DCAF5: variants seen among roughly 807,000 people sequenced by gnomAD.
DCAF5 encodes DDB1- and CUL4-associated factor 5.
A neutral mutation model predicts 80.7 loss-of-function variants in DCAF5; 9 were observed. The observed-to-expected ratio is 0.11, with a 90% confidence interval of 0.07 to 0.19. The LOEUF is 0.19. Ranked by LOEUF, DCAF5 falls within the 10% of genes least tolerant of loss-of-function variation. DCAF5 has a pLI of 1.00. For synonymous variants in DCAF5, 433 were observed against 461.9 expected, an observed-to-expected ratio of 0.94 and a Z score of 0.80; for missense variants, 842 against 1,205.7, an observed-to-expected ratio of 0.70 and a Z score of 4.47.
At chr14:69,117,496 G>C (rs566181000) in intron 4 of DCAF5, among the ~76,000 whole-genome samples, 11 of 152,240 alleles carry the variant, frequency 7.2e-5, no homozygotes, top group African/African-American at 2.6e-4. Flanking sequence ...GGCCACGGTG[G>C]GTATGGCAGT....
intron 5 of DCAF5, among the ~76,000 whole-genome samples, chr14:69,109,764 T>C (rs1166652302): frequency 6.6e-6 from 1 of 152,258 alleles, no homozygotes; most frequent in East Asian, 1.9e-4. Flanking sequence ...GTGGCTATTA[T>C]AAATAAAGCA....
chr14:69,131,530 C>T (rs2041038895), intron 1 of DCAF5, among the ~76,000 whole-genome samples: 1 of 152,190 alleles, frequency 6.6e-6, no homozygotes. Context: ...AATTCAATCA[C>T]TTACATATCT....
intron 1 of DCAF5, among the ~76,000 whole-genome samples, chr14:69,151,835 G>C (rs1482356593): frequency 1.3e-5 from 2 of 152,070 alleles, no homozygotes; most frequent in African/African-American, 4.8e-5. Flanking sequence ...AGCCCCGGGA[G>C]AGCGAGGCCT....
intron 6 of DCAF5, among the ~76,000 whole-genome samples, chr14:69,078,732 G>A (rs1452440143): frequency 6.6e-6 from 1 of 152,222 alleles, no homozygotes; most frequent in African/African-American, 2.4e-5. Flanking sequence ...AATGGTGGTT[G>A]CCAGGGCCTA....
In DCAF5 at chr14:69,122,258, C is replaced by G; in HGVS notation, c.317G>C (p.Cys106Ser). The change falls in exon 2 of 9, where the codon TGC (cysteine) becomes TCC (serine). Residue 106 changes from cysteine (C) to serine (S), a missense_variant. Transcript: ENST00000341516. ...LKGEHHSNIF[C>S]LAFNSGNTKV... Reference sequence around the variant, plus strand: ...AGTGTTCCCACTGTTGAAAGCCAGGCAAAAAATGTTGGAATGGTGCTCTCC... The same window carrying G: ...AGTGTTCCCACTGTTGAAAGCCAGGGAAAAAATGTTGGAATGGTGCTCTCC... 1 of 1,613,938 alleles carries G rather than the reference C, an allele frequency of 6.2e-7. No individual in the cohort carries two copies. The highest frequency in any genetic ancestry group is 1.1e-5 in the South Asian group (1 of 91,048).
At chr14:69,095,570 C>A (rs922403068) in intron 5 of DCAF5, among the ~76,000 whole-genome samples, 3 of 151,790 alleles carry the variant, frequency 2.0e-5, no homozygotes, top group Non-Finnish European at 2.9e-5. Flanking sequence ...CACACAAAAA[C>A]CACTCAATTG....
At chr14:69,128,645 G>A (rs1377590893) in intron 1 of DCAF5, among the ~76,000 whole-genome samples, 1 of 152,206 alleles carries the variant, frequency 6.6e-6, no homozygotes, top group Non-Finnish European at 1.5e-5. Flanking sequence ...TTGTGCGCCT[G>A]TAGTCCCAGC....
chr14:69,134,610 C>T (rs910748846), intron 1 of DCAF5, among the ~76,000 whole-genome samples: 1 of 152,124 alleles, frequency 6.6e-6, no homozygotes. Flanking sequence ...ACTGTTTTAA[C>T]AAAGAAAGTT....
intron 6 of DCAF5, chr14:69,089,554 A>T (rs1264529815): frequency 2.0e-5 from 3 of 152,268 alleles, no homozygotes; most frequent in Non-Finnish European, 2.9e-5. Flanking sequence ...AATAGAGAAA[A>T]ATCAAAAGCC....
intron 5 of DCAF5, among the ~76,000 whole-genome samples, chr14:69,105,796 G>A (rs2140018459): frequency 6.7e-6 from 1 of 150,288 alleles, no homozygotes; most frequent in Middle Eastern, 3.4e-3. Flanking sequence ...GGCCTACCTG[G>A]TTTTGAGGCT....
At chr14:69,122,080 G>C in intron 2 of DCAF5, 137 bp downstream of exon 2, 2 of 1,063,892 alleles carry the variant, frequency 1.9e-6, no homozygotes, top group Non-Finnish European at 2.7e-6. Flanking sequence ...CTGTAATGCA[G>C]AAAAGACAAG....
At chr14:69,084,340 G>T (rs2039235300) in intron 6 of DCAF5, 1 of 953,400 alleles carries the variant, frequency 1.0e-6, no homozygotes, top group Admixed American at 1.7e-5. Context: ...ATATCCCAGG[G>T]TTTATGTATA....
chr14:69,111,874 T>A (rs1218928095), intron 5 of DCAF5, among the ~76,000 whole-genome samples: 1 of 152,206 alleles, frequency 6.6e-6, no homozygotes, highest in African/African-American at 2.4e-5. Context: ...TGACCACTCA[T>A]CACCACTAAA....
intron 1 of DCAF5, among the ~76,000 whole-genome samples, chr14:69,130,783 T>A (rs1200456102): frequency 6.6e-6 from 1 of 152,158 alleles, no homozygotes; most frequent in Admixed American, 6.5e-5. Flanking sequence ...GAGCTTGGGG[T>A]TTCATCTTTG....
chr14:69,106,848 T>C (rs2040179344), intron 5 of DCAF5, among the ~76,000 whole-genome samples: 1 of 152,110 alleles, frequency 6.6e-6, no homozygotes, highest in African/African-American at 2.4e-5. Flanking sequence ...AAGACCAACC[T>C]GGCCAACATG....
At chr14:69,057,757 A>T (rs1459171072) in intron 8 of DCAF5, among the ~76,000 whole-genome samples, 1 of 152,158 alleles carries the variant, frequency 6.6e-6, no homozygotes, top group Non-Finnish European at 1.5e-5. Context: ...TTAGTGGGTG[A>T]TGCGCAGCTC....
At chr14:69,086,671 C>T (rs1251530267) in intron 6 of DCAF5, among the ~76,000 whole-genome samples, 1 of 151,216 alleles carries the variant, frequency 6.6e-6, no homozygotes, top group African/African-American at 2.4e-5. Flanking sequence ...CCTCTCTGGC[C>T]TAGAGAGTAC....
intron 1 of DCAF5, among the ~76,000 whole-genome samples, chr14:69,138,219 A>G (rs1247938449): frequency 6.6e-6 from 1 of 152,210 alleles, no homozygotes; most frequent in Non-Finnish European, 1.5e-5. Context: ...TGGAATTTAG[A>G]TACAAGACTT....
chr14:69,090,095 C>T (rs967460089), intron 6 of DCAF5: 9 of 985,190 alleles, frequency 9.1e-6, no homozygotes, highest in Non-Finnish European at 7.2e-6. Flanking sequence ...ACCTTCACTG[C>T]ATGCTCTATT....
Sources: allele counts gnomAD v4.1 joint callset (sites outside exome capture counted in the v4.1 genomes callset), GRCh38; gene constraint gnomAD v4.1.1; transcripts MANE v1.5; gene names NCBI Gene and HGNC (gene_info 2026-07-23, HGNC 2026-07-21).